Variants in NCKIPSD observed in about 807,000 individuals in gnomAD.
NCKIPSD encodes NCK interacting protein with SH3 domain, also known as NCK-interacting protein with SH3 domain.
In NCKIPSD, 48 loss-of-function variants were observed where a neutral mutation model predicts 73.4. The observed-to-expected ratio is 0.65, with a 90% CI of 0.52 to 0.83. The LOEUF is 0.83. Ranked by LOEUF, NCKIPSD falls within the 40% of genes least tolerant of loss-of-function variation. NCKIPSD has a pLI of 0.00. For missense variants in NCKIPSD, 884 were observed against 970.2 expected (o/e 0.91, Z 1.18); for synonymous variants, 422 against 403.6 (o/e 1.05, Z -0.54).
intron 12 of NCKIPSD, among the ~76,000 whole-genome samples, chr3:48,675,008 G>A (rs1348419886): frequency 6.6e-6 from 1 of 152,128 alleles, no homozygotes. Context: ...TTGAAGCTGG[G>A]TCTCTCAAGG....
In NCKIPSD at chr3:48,681,576, G is replaced by C; in HGVS notation, c.803C>G (p.Pro268Arg). 2 of 1,614,050 alleles carry C rather than the reference G, an allele frequency of 1.2e-6. No homozygotes were observed. The highest frequency in any genetic ancestry group is 1.7e-6 in the Non-Finnish European group (2 of 1,180,034). Reference protein sequence around the residue: ...VQPPPSKASAPEPPAEEEVAT... With the variant: ...VQPPPSKASAREPPAEEEVAT... Reference sequence around the variant, plus strand: ...CACTTCTTCTTCTGCAGGGGGTTCAGGTGCTGATGCCTTGGAGGGAGGGGG... The same window carrying C: ...CACTTCTTCTTCTGCAGGGGGTTCACGTGCTGATGCCTTGGAGGGAGGGGG... Residue 268 changes from proline to arginine, a missense_variant, in exon 5 of 13, where the codon CCT (proline) becomes CGT (arginine). Transcript: ENST00000294129.
At position 48,682,036 on chromosome 3, in the gene NCKIPSD, CCTT is replaced by C. The variant is rs756244508; in HGVS notation, c.598+6_598+8del. 2.3e-5 allele frequency: 37 copies of C among 1,599,386 alleles called. No homozygotes were observed. The Admixed American group carries it at 5.0e-4, about 22-fold the overall frequency. ...CTCCACCTGAATTCCCCTAACCCTG[CCTT>C]CTTACCACTCCCAGAGGCCATCAGG... On this transcript the variant is annotated splice_donor_region_variant and intron_variant, in intron 4 of 12. Transcript: ENST00000294129.
chr3:48,682,687 C>T (rs1462983170), intron 2 of NCKIPSD, 135 bp from the exon 3 acceptor site: 11 of 1,175,712 alleles, frequency 9.4e-6, no homozygotes, highest in Non-Finnish European at 1.3e-5. Flanking sequence ...CCACCCCAGC[C>T]TACAGTACCC....
At chr3:48,683,110 T>C in intron 1 of NCKIPSD, 98 bp from the exon 2 acceptor site, 1 of 1,531,828 alleles carries the variant, frequency 6.5e-7, no homozygotes, top group Non-Finnish European at 8.7e-7. Context: ...AGAACCAATA[T>C]AGCGAAAGCC....
Position 48,685,891 on chromosome 3 carries a change from G to A in NCKIPSD, c.-84C>T. 1.6e-6 allele frequency: 2 copies of A among 1,275,662 alleles called. No homozygotes were observed. Among genetic ancestry groups the A allele is most frequent in the African/African-American group, 1.6e-5 (1 of 63,310 alleles). The allele number at this position is 1,275,662 out of a possible 1,614,324, so 79.0% of individuals were successfully genotyped here. ...GCCGGGAGCGCCGAGCCGCGCCGCGGTTGTCCCGCCCCGTGACACACTACG... is the reference window on the plus strand; with the variant it reads ...GCCGGGAGCGCCGAGCCGCGCCGCGATTGTCCCGCCCCGTGACACACTACG... On this transcript the variant is annotated 5_prime_UTR_variant, in exon 1 of 13. Coordinates refer to ENST00000294129, the MANE Select transcript of NCKIPSD (RefSeq NM_016453.4).
At chr3:48,685,375 G>C (rs1185880364) in intron 1 of NCKIPSD, among the ~76,000 whole-genome samples, 5 of 152,106 alleles carry the variant, frequency 3.3e-5, no homozygotes, top group Non-Finnish European at 7.4e-5. Context: ...GGGGTCCTGA[G>C]GAGTCTCAGT....
rs1479796308 is a variant in NCKIPSD at position 48,685,703 on chromosome 3, C to T, written c.105G>A (p.Trp35Ter). The change falls in exon 1 of 13, where the codon TGG (tryptophan) becomes TGA (stop). Residue 35 changes from tryptophan to a stop codon, truncating the protein, a stop_gained. Transcript: ENST00000294129. LOFTEE classifies it high-confidence loss of function. Reference protein sequence around the residue: ...LVLERSSAHWWLAARARSGET... With the variant: ...LVLERSSAHW ...CACCACTGCGCGCCCGCGCGGCCAG[C>T]CACCAGTGCGCGCTGCTTCGCTCTA... 7.2e-6 allele frequency: 11 copies of T among 1,526,720 alleles called. No individual in the cohort carries two copies. The highest frequency in any genetic ancestry group is 9.6e-6 in the Non-Finnish European group (11 of 1,143,222). The allele number at this position is 1,526,720 out of a possible 1,614,324, so 94.6% of individuals were successfully genotyped here. A position where few individuals can be genotyped will look rare whatever the true frequency, so the allele number is the denominator to read the frequency against.
At chr3:48,679,513 A>AAG in intron 8 of NCKIPSD, 56 bp from the exon 9 acceptor site, 1 of 1,607,392 alleles carries the variant, frequency 6.2e-7, no homozygotes, top group South Asian at 1.1e-5. Flanking sequence ...AAACCCCAGC[A>AAG]GATGGCAGGA....
At chr3:48,674,872 C>T (rs140821863) in intron 12 of NCKIPSD, 125 bp from the exon 13 acceptor site, 1,103 of 886,574 alleles carry the variant, frequency 1.2e-3, no homozygotes, top group Non-Finnish European at 1.7e-3. Context: ...GCTGCATCCC[C>T]AGCACCCACA....
chr3:48,685,355 T>C (rs1318423576), intron 1 of NCKIPSD, among the ~76,000 whole-genome samples: 2 of 151,950 alleles, frequency 1.3e-5, no homozygotes, highest in Non-Finnish European at 2.9e-5. Flanking sequence ...GACTCGATAC[T>C]GAAGGGTCTG....
At chr3:48,677,367 A>T (rs1343246408) in intron 12 of NCKIPSD, among the ~76,000 whole-genome samples, 2 of 151,634 alleles carry the variant, frequency 1.3e-5, no homozygotes, top group Non-Finnish European at 2.9e-5. Flanking sequence ...CAGCCTTGGC[A>T]ACAGTGGGAG....
At chr3:48,685,199 G>C (rs1275074817) in intron 1 of NCKIPSD, among the ~76,000 whole-genome samples, 87 of 105,166 alleles carry the variant, frequency 8.3e-4, no homozygotes, top group Non-Finnish European at 1.6e-3. Flanking sequence ...GGAAGGGAGG[G>C]AGGGAGGGAG....
In NCKIPSD at chr3:48,674,135, G is replaced by A; in HGVS notation, c.*409C>T. On this transcript the variant is annotated 3_prime_UTR_variant, in exon 13 of 13. Transcript: ENST00000294129. ...CACTGCAAAGCTAAGGCAAAGAATA[G>A]AGCTGGTGGGAGATGCCTCCCCTCA... 1 of 1,139,214 alleles carries A rather than the reference G, an allele frequency of 8.8e-7. No individual in the cohort carries two copies. The highest frequency in any genetic ancestry group is 4.1e-5 in the East Asian group (1 of 24,406). The allele number at this position is 1,139,214 out of a possible 1,614,324, so 70.6% of individuals were successfully genotyped here.
At chr3:48,681,236 G>A in intron 5 of NCKIPSD, 51 bp downstream of exon 5, 1 of 1,518,856 alleles carries the variant, frequency 6.6e-7, no homozygotes, top group South Asian at 1.3e-5. Flanking sequence ...GTGTGTGACG[G>A]TGGGAACAGG....
rs578003124 is a variant in NCKIPSD, at chr3:48,681,736, C to A, written c.643G>T (p.Gly215Cys). 2.0e-6 allele frequency: 3 copies of A among 1,534,406 alleles called. No individual in the cohort carries two copies. Among genetic ancestry groups the A allele is most frequent in the Non-Finnish European group, 2.6e-6 (3 of 1,141,786 alleles). ...MPSGGNSVSSGSSVSSTSLDT... is the reference protein window; with the variant it reads ...MPSGGNSVSSCSSVSSTSLDT... Reference sequence around the variant, plus strand: ...AGGGAGGTGCTGCTGACTGAGGAGCCGCTGGACACAGAGTTACCCCCGGAG... The same window carrying A: ...AGGGAGGTGCTGCTGACTGAGGAGCAGCTGGACACAGAGTTACCCCCGGAG... The change falls in exon 5 of 13, where the codon GGC (glycine) becomes TGC (cysteine). Residue 215 changes from glycine to cysteine, a missense_variant. By Grantham distance (159) the Gly-to-Cys change is radical. Transcript: ENST00000294129.
intron 12 of NCKIPSD, among the ~76,000 whole-genome samples, chr3:48,675,498 TATATATATATC>T (rs1214119829): frequency 1.5e-5 from 2 of 129,752 alleles, no homozygotes. Context: ...TTATGATCTA[TATATATATATC>T]ATATATATAT....
Position 48,674,650 on chromosome 3 carries a change from C to T in NCKIPSD, c.2063G>A (p.Arg688Gln), listed in dbSNP as rs755634683. ...HRLPDLQAIL[R>Q]RILNEEETSP... is the part of the protein sequence containing the mutation. The stretch of plus-strand genomic sequence containing the variant: ...GGTCTCCTCCTCATTCAGGATGCGT[C>T]GCAGTATGGCCTGCAGGTCGGGTAG... Residue 688 changes from arginine (R) to glutamine (Q), a missense_variant, in exon 13 of 13, where the codon CGA becomes CAA. By Grantham distance (43) the Arg-to-Gln change is conservative. Coordinates refer to ENST00000294129, the MANE Select transcript of NCKIPSD (RefSeq NM_016453.4). 10 of 1,613,748 alleles carry T rather than the reference C, an allele frequency of 6.2e-6. No individual in the cohort carries two copies. Among genetic ancestry groups the T allele is most frequent in the East Asian group, 2.2e-5 (1 of 44,890 alleles).
intron 12 of NCKIPSD, among the ~76,000 whole-genome samples, chr3:48,675,085 G>A (rs532442120): frequency 4.8e-4 from 73 of 151,986 alleles, no homozygotes; most frequent in Middle Eastern, 3.4e-3. Flanking sequence ...GGAAGACCTC[G>A]TGCACATTCA....
rs2077369508 is a variant in NCKIPSD, at chr3:48,682,397, T to C, written c.437A>G (p.His146Arg). The C allele has an allele frequency of 6.2e-7, 1 of 1,614,148 alleles. No individual in the cohort carries two copies. The highest frequency in any genetic ancestry group is 8.5e-7 in the Non-Finnish European group (1 of 1,179,998). ...AAGATGCTCAGAACTGGGTAGGCTG[T>C]GCTGCCGCTCGAACCCAGCTCGACA... ...GVCRAGFERQHSLPSSEHLGA... is the reference protein window; with the variant it reads ...GVCRAGFERQRSLPSSEHLGA... The change falls in exon 3 of 13, where the codon CAC becomes CGC. Residue 146 changes from histidine to arginine, a missense_variant. His to Arg is a conservative substitution (Grantham distance 29). Transcript: ENST00000294129.
Sources: gnomAD v4.1 joint callset for allele counts (sites outside exome capture counted in the v4.1 genomes callset) on GRCh38, gnomAD v4.1.1 for gene constraint, MANE v1.5 for transcripts, NCBI Gene and HGNC (gene_info 2026-07-23, HGNC 2026-07-21) for gene names.